Variants in CCDC171 observed in about 807,000 individuals in gnomAD.
The protein encoded by CCDC171 is coiled-coil domain containing 171.
A neutral mutation model predicts 168.2 loss-of-function variants in CCDC171; 177 were observed. The observed-to-expected ratio is 1.05, with a 90% CI of 0.93 to 1.19. The LOEUF is 1.19. Among genes scored for constraint, CCDC171 ranks in the 50% most tolerant of loss-of-function variants. The pLI is 0.00. For synonymous variants in CCDC171, 687 were observed against 540.8 expected (o/e 1.27, Z -3.75); for missense variants, 1,991 against 1,539.0 (o/e 1.29, Z -4.91).
intron 6 of CCDC171, among the ~76,000 whole-genome samples, chr9:15,611,165 C>G (rs1267235207): frequency 2.6e-5 from 4 of 152,172 alleles, no homozygotes; most frequent in African/African-American, 4.8e-5. Flanking sequence ...CCTGCTCCCC[C>G]TTCACCTTCT....
chr9:15,963,570 T>G (rs996539604), intron 25 of CCDC171, among the ~76,000 whole-genome samples: 1 of 152,186 alleles, frequency 6.6e-6, no homozygotes, highest in African/African-American at 2.4e-5. Context: ...ATTCCCTCTT[T>G]TCAACAGTGG....
chr9:15,561,391 A>G (rs550307293), intron 1 of CCDC171, among the ~76,000 whole-genome samples: 1 of 152,304 alleles, frequency 6.6e-6, no homozygotes, highest in Admixed American at 6.5e-5. Flanking sequence ...TGAAGAAGAG[A>G]AAGGCTGATT....
chr9:15,580,421 A>G (rs1410025613), intron 4 of CCDC171, among the ~76,000 whole-genome samples: 2 of 152,236 alleles, frequency 1.3e-5, no homozygotes, highest in South Asian at 4.1e-4. Flanking sequence ...TTGCACAGCA[A>G]AAGAATAGTC....
chr9:15,587,674 T>A (rs1272800794), intron 4 of CCDC171: 1 of 456,736 alleles, frequency 2.2e-6, no homozygotes, highest in Non-Finnish European at 4.4e-6. Flanking sequence ...ACGTCCACCT[T>A]GAAGCTCAGA....
At chr9:15,898,585 T>A (rs538944474) in intron 24 of CCDC171, among the ~76,000 whole-genome samples, 1 of 152,334 alleles carries the variant, frequency 6.6e-6, no homozygotes, top group Admixed American at 6.5e-5. Context: ...AACAAAATTT[T>A]AATGTTTTAT....
intron 7 of CCDC171, among the ~76,000 whole-genome samples, chr9:15,627,677 T>G (rs200477851): frequency 9.2e-5 from 14 of 152,352 alleles, no homozygotes; most frequent in Middle Eastern, 3.4e-3. Context: ...ACTGTGGTCT[T>G]AGAGACAGTT....
intron 4 of CCDC171, among the ~76,000 whole-genome samples, chr9:15,584,489 T>C (rs1246577396): frequency 6.6e-6 from 1 of 152,174 alleles, no homozygotes; most frequent in Non-Finnish European, 1.5e-5. Flanking sequence ...TGGACAAAAG[T>C]ATATGTTCCA....
At chr9:15,888,398 C>T (rs1332714770) in intron 24 of CCDC171, among the ~76,000 whole-genome samples, 1 of 152,130 alleles carries the variant, frequency 6.6e-6, no homozygotes, top group Non-Finnish European at 1.5e-5. Flanking sequence ...CATTCCAAGA[C>T]CCAGGTGGTA....
chr9:15,724,598 ATAT>A (rs1440934953), intron 13 of CCDC171, among the ~76,000 whole-genome samples, 175 bp from the exon 14 acceptor site: 1 of 152,182 alleles, frequency 6.6e-6, no homozygotes, highest in African/African-American at 2.4e-5. Flanking sequence ...TTGAGCTGAG[ATAT>A]TATATTTAGA....
intron 3 of CCDC171, among the ~76,000 whole-genome samples, chr9:16,018,161 G>A (rs1833076630): frequency 6.6e-6 from 1 of 152,168 alleles, no homozygotes; most frequent in Middle Eastern, 3.2e-3. Flanking sequence ...ATCCACCCAT[G>A]TGTTTGTGAT....
intron 21 of CCDC171, among the ~76,000 whole-genome samples, chr9:15,787,013 C>T (rs142447471): frequency 2.6e-5 from 4 of 152,268 alleles, no homozygotes; most frequent in Admixed American, 6.5e-5. Flanking sequence ...GTTGCTTACA[C>T]AAAGCCTGTT....
intron 11 of CCDC171, among the ~76,000 whole-genome samples, chr9:15,700,691 G>C (rs1244224830): frequency 6.6e-6 from 1 of 151,226 alleles, no homozygotes; most frequent in East Asian, 1.9e-4. Context: ...TTGGGATGTT[G>C]CCCAGGCTAG....
chr9:16,107,302 C>T, the CCDC171 span, among the ~76,000 whole-genome samples: 1 of 152,062 alleles, frequency 6.6e-6, no homozygotes, highest in Non-Finnish European at 1.5e-5. Flanking sequence ...GGCATGTGAC[C>T]ATGCCTGGCT....
At position 15,813,393 on chromosome 9, in the gene CCDC171, A is replaced by G. The variant is rs143468604; in HGVS notation, c.3267+28699A>G. 9.0e-4 allele frequency among the ~76,000 whole-genome samples: 137 copies of G among 152,262 alleles called. 1 individual carries two copies. Among genetic ancestry groups the G allele is most frequent in the Non-Finnish European group, 1.5e-3 (104 of 68,002 alleles). On this transcript the variant is annotated intron_variant, in intron 21 of 25. Transcript: ENST00000380701. ...AACTAAACACCAGTCAGGACCATCT[A>G]TTTTGGAATTTATGTGACCAAAACT...
In CCDC171 at chr9:15,729,669, G is replaced by A. The variant is rs137913982; in HGVS notation, c.1920G>A (p.Gln640=). ...NKSDTMRELQ[Q]TQEDTFTKVA... The stretch of plus-strand genomic sequence containing the variant: ...CTGACACGATGAGAGAGCTTCAGCA[G>A]ACTCAGGAAGACACCTTTACCAAAG... The change falls in exon 16 of 26, where the codon CAG becomes CAA. Residue 640 remains glutamine, a synonymous_variant. Transcript: ENST00000380701. 2 of 1,613,266 alleles carry A rather than the reference G, an allele frequency of 1.2e-6. No individual in the cohort carries two copies. Among genetic ancestry groups the A allele is most frequent in the Non-Finnish European group, 1.7e-6 (2 of 1,179,490 alleles).
rs1394058329 is a variant in CCDC171 at position 15,778,964 on chromosome 9, A to G, written c.2899-4A>G. 2.0e-6 allele frequency: 3 copies of G among 1,475,510 alleles called. No homozygotes were observed. Among genetic ancestry groups the G allele is most frequent in the African/African-American group, 1.4e-5 (1 of 69,812 alleles). The allele number at this position is 1,475,510 out of a possible 1,614,324, so 91.4% of individuals were successfully genotyped here. On this transcript the variant is annotated splice_polypyrimidine_tract_variant and splice_region_variant and intron_variant, in intron 19 of 25. Coordinates refer to ENST00000380701, the MANE Select transcript of CCDC171 (RefSeq NM_173550.4). ...TTTATAAAATTGCTCTTGTTTAACA[A>G]CAGAAAAGCACAGCATCGTTGCAGA...
chr9:15,797,819 G>C (rs1160860527), intron 21 of CCDC171, among the ~76,000 whole-genome samples: 1 of 152,036 alleles, frequency 6.6e-6, no homozygotes, highest in Admixed American at 6.6e-5. Context: ...TTTTATACAT[G>C]GTGTGGTGTA....
At chr9:15,929,497 A>T (rs1826255616) in intron 25 of CCDC171, among the ~76,000 whole-genome samples, 1 of 151,662 alleles carries the variant, frequency 6.6e-6, no homozygotes, top group Non-Finnish European at 1.5e-5. Flanking sequence ...CTTGTCTCTG[A>T]AATAACTGTC....
At chr9:15,965,491 A>T (rs1183705594) in intron 25 of CCDC171, among the ~76,000 whole-genome samples, 3 of 152,206 alleles carry the variant, frequency 2.0e-5, no homozygotes, top group Non-Finnish European at 4.4e-5. Context: ...ACCTGTGGCA[A>T]TTTATTCTGC....
Sources: allele counts gnomAD v4.1 joint callset (sites outside exome capture counted in the v4.1 genomes callset), GRCh38; gene constraint gnomAD v4.1.1; transcripts MANE v1.5; gene names NCBI Gene and HGNC (gene_info 2026-07-23, HGNC 2026-07-21).